TSC22D1: variants seen among roughly 807,000 people sequenced by gnomAD.
TSC22D1 encodes TSC22 domain family member 1.
TSC22D1 carries 9 observed loss-of-function variants against 74.2 expected under a neutral mutation model. That is an observed-to-expected ratio of 0.12 (90% CI 0.07 to 0.21). The LOEUF (loss-of-function observed/expected upper bound fraction) is 0.21, where lower values mean the gene tolerates loss of function less well. TSC22D1 is among the 10% of genes least tolerant of loss of function. The probability of loss-of-function intolerance (pLI) is 1.00; values close to 1 mark genes in which losing one functional copy is unlikely to be tolerated. For missense variants in TSC22D1, 1,427 were observed against 1,304.7 expected, an observed-to-expected ratio of 1.09 and a Z score of -1.44; for synonymous variants, 586 against 492.5, an observed-to-expected ratio of 1.19 and a Z score of -2.51.
At chr13:44,561,958 T>A (rs1269914447) in intron 1 of TSC22D1, among the ~76,000 whole-genome samples, 1 of 152,178 alleles carries the variant, frequency 6.6e-6, no homozygotes, top group Non-Finnish European at 1.5e-5. Context: ...ATGCACATAC[T>A]TATTAAATAA....
At chr13:44,437,232 G>A in intron 1 of TSC22D1, 1 of 985,530 alleles carries the variant, frequency 1.0e-6, no homozygotes, top group Non-Finnish European at 1.2e-6. Context: ...GCTTAACGGC[G>A]AAAGCTTCCT....
At chr13:44,435,646 G>A (rs977306495) in intron 2 of TSC22D1, 1 of 257,194 alleles carries the variant, frequency 3.9e-6, no homozygotes. Flanking sequence ...CCAGGATCCC[G>A]ACTTCTGGGG....
At chr13:44,545,934 G>A (rs1420594513) in intron 1 of TSC22D1, among the ~76,000 whole-genome samples, 2 of 151,344 alleles carry the variant, frequency 1.3e-5, no homozygotes, top group East Asian at 1.9e-4. Flanking sequence ...CCAAGATCGC[G>A]CCACTGCACT....
At chr13:44,517,851 A>ATTTTTT (rs1566149903) in intron 1 of TSC22D1, among the ~76,000 whole-genome samples, 1 of 21,764 alleles carries the variant, frequency 4.6e-5, no homozygotes, top group Non-Finnish European at 1.6e-4. Flanking sequence ...ATATATATAT[A>ATTTTTT]TATATATTTT....
At chr13:44,556,590 G>A (rs1485649712) in intron 1 of TSC22D1, among the ~76,000 whole-genome samples, 1 of 151,874 alleles carries the variant, frequency 6.6e-6, no homozygotes, top group Admixed American at 6.6e-5. Context: ...TTGTAGCCAG[G>A]TGCAGTGGCT....
At chr13:44,542,160 T>C (rs1345314764) in intron 1 of TSC22D1, among the ~76,000 whole-genome samples, 3 of 152,104 alleles carry the variant, frequency 2.0e-5, no homozygotes, top group African/African-American at 7.2e-5. Context: ...TCGTTTTCAA[T>C]AGTTAACTTT....
At chr13:44,465,711 G>A (rs112106608) in intron 1 of TSC22D1, among the ~76,000 whole-genome samples, 15,079 of 152,192 alleles carry the variant, frequency 0.099, 779 homozygotes, top group Non-Finnish European at 0.11. Context: ...AGTGGCTCAC[G>A]CCTGTAATCC....
chr13:44,437,194 C>T, intron 1 of TSC22D1: 1 of 985,516 alleles, frequency 1.0e-6, no homozygotes, highest in East Asian at 1.1e-4. Context: ...GAGTCAGACC[C>T]CGGTCCCCGG....
At chr13:44,563,244 GAGA>G (rs1412666435) in intron 1 of TSC22D1, among the ~76,000 whole-genome samples, 1 of 152,038 alleles carries the variant, frequency 6.6e-6, no homozygotes, top group Non-Finnish European at 1.5e-5. Flanking sequence ...TTTTCAAAAT[GAGA>G]AGAATTAACA....
chr13:44,526,757 T>G (rs1465901510), intron 1 of TSC22D1, among the ~76,000 whole-genome samples: 1 of 152,128 alleles, frequency 6.6e-6, no homozygotes, highest in Non-Finnish European at 1.5e-5. Flanking sequence ...AGCTGAAAAA[T>G]CATTAAAATA....
At chr13:44,529,946 T>G (rs186284416) in intron 1 of TSC22D1, among the ~76,000 whole-genome samples, 68 of 152,174 alleles carry the variant, frequency 4.5e-4, no homozygotes, top group Admixed American at 1.3e-3. Flanking sequence ...TGGAGAGATA[T>G]TCCATGTTTA....
chr13:44,451,420 A>G (rs1187207012), intron 1 of TSC22D1: 1 of 152,184 alleles, frequency 6.6e-6, no homozygotes, highest in Non-Finnish European at 1.5e-5. Context: ...CTTTTCAGGG[A>G]AAGAGTGGGC....
chr13:44,575,716 T>C lies in TSC22D1; in HGVS notation c.359A>G (p.Gln120Arg). The stretch of plus-strand genomic sequence containing the variant: ...GTTAGAGCTGATACTAGCGGAGATC[T>C]GAGCAGGAGTAACGCTAGTTATCTG... ...GFQITSVTPA[Q>R]ISASISSNNS... The change falls in exon 1 of 3, where the codon CAG becomes CGG. Residue 120 changes from glutamine (Q) to arginine (R), a missense_variant. Transcript: ENST00000458659. 6.2e-7 allele frequency: 1 copy of C among 1,614,220 alleles called. No homozygotes were observed. Among genetic ancestry groups the C allele is most frequent in the Non-Finnish European group, 8.5e-7 (1 of 1,180,030 alleles).
chr13:44,457,637 C>CAAAAAAAAAAAAAA (rs10692086), intron 1 of TSC22D1, among the ~76,000 whole-genome samples: 8 of 85,430 alleles, frequency 9.4e-5, no homozygotes, highest in Middle Eastern at 6.5e-3. Context: ...AAGCAAATAG[C>CAAAAAAAAAAAAAA]AAAAAAAAAA....
chr13:44,487,457 C>A (rs1224110547), intron 1 of TSC22D1, among the ~76,000 whole-genome samples: 1 of 126,170 alleles, frequency 7.9e-6, no homozygotes, highest in African/African-American at 2.9e-5. Flanking sequence ...CGCGATCGTG[C>A]CACTGCACTC....
chr13:44,562,506 C>T lies in TSC22D1; in HGVS notation c.2912+10657G>A, dbSNP rs542306083. Among the ~76,000 whole-genome samples the T allele has an allele frequency of 1.2e-4, 18 of 152,230 alleles. No homozygotes were observed. In the South Asian group the frequency reaches 3.7e-3, roughly 32 times the overall value. On this transcript the variant is annotated intron_variant, in intron 1 of 2. Coordinates refer to ENST00000458659, the MANE Select transcript of TSC22D1 (RefSeq NM_183422.4). The stretch of plus-strand genomic sequence containing the variant: ...CCAAAATGCTCACATTTAGTATCAA[C>T]AGTAGCATTAATGTTTTTCACATTT...
intron 1 of TSC22D1, among the ~76,000 whole-genome samples, chr13:44,443,149 T>C (rs1391287082): frequency 1.3e-5 from 2 of 151,780 alleles, no homozygotes; most frequent in Admixed American, 1.3e-4. Flanking sequence ...TGTGAAGAAG[T>C]CGACAAGGTG....
intron 2 of TSC22D1, chr13:44,435,250 G>A: frequency 5.4e-6 from 1 of 185,720 alleles, no homozygotes; most frequent in Non-Finnish European, 1.1e-5. Context: ...CCCCGCGCTC[G>A]CCCGGAGCCG....
At chr13:44,538,798 C>T in intron 1 of TSC22D1, 1 of 985,390 alleles carries the variant, frequency 1.0e-6, no homozygotes, top group Non-Finnish European at 1.2e-6. Flanking sequence ...ACTGCAGGTG[C>T]TGGCATGTGT....
Sources: gnomAD v4.1 joint callset for allele counts (sites outside exome capture counted in the v4.1 genomes callset) on GRCh38, gnomAD v4.1.1 for gene constraint, MANE v1.5 for transcripts, NCBI Gene and HGNC (gene_info 2026-07-23, HGNC 2026-07-21) for gene names.